ARHGAP26: variants seen among roughly 807,000 people sequenced by gnomAD.
ARHGAP26 encodes rho GTPase-activating protein 26.
In ARHGAP26, 38 loss-of-function variants were observed where a neutral mutation model predicts 104.8. The observed-to-expected ratio is 0.36, with a 90% confidence interval of 0.28 to 0.48. The LOEUF (loss-of-function observed/expected upper bound fraction) is 0.48, where lower values mean the gene tolerates loss of function less well. Ranked by LOEUF, ARHGAP26 falls within the 20% of genes least tolerant of loss-of-function variation. The pLI is 0.99. For missense variants in ARHGAP26, 704 were observed against 947.9 expected, an observed-to-expected ratio of 0.74 and a Z score of 3.38; for synonymous variants, 341 against 340.0, an observed-to-expected ratio of 1.00 and a Z score of -0.03.
intron 17 of ARHGAP26, among the ~76,000 whole-genome samples, chr5:143,116,001 C>T (rs895166057): frequency 6.5e-5 from 9 of 137,462 alleles, no homozygotes; most frequent in Admixed American, 3.3e-4. Flanking sequence ...AAAATAGAAT[C>T]GACAGGATAA....
At chr5:142,934,528 T>C (rs757561612) in intron 11 of ARHGAP26, among the ~76,000 whole-genome samples, 18 of 152,222 alleles carry the variant, frequency 1.2e-4, no homozygotes, top group Non-Finnish European at 2.2e-4. Context: ...TGAAAGCCTC[T>C]AGGGGACATT....
In ARHGAP26 at chr5:143,223,459, T is replaced by C. The variant is rs114695984; in HGVS notation, c.*1013T>C. 1,090 of 231,542 alleles carry C rather than the reference T, an allele frequency of 4.7e-3. 13 individuals are homozygous for C. Among genetic ancestry groups the C allele is most frequent in the African/African-American group, 0.023 (1,023 of 45,342 alleles). The allele number at this position is 231,542 out of a possible 1,614,324, so 14.3% of individuals were successfully genotyped here. On this transcript the variant is annotated 3_prime_UTR_variant, in exon 23 of 23. Transcript: ENST00000645722. ...TGTTCCTCCATGCAACTGATGTTTG[T>C]TTTTTAAAGGGTAAGATGCTGCCTC...
chr5:142,913,807 C>T (rs1318389562), intron 10 of ARHGAP26, among the ~76,000 whole-genome samples: 1 of 152,156 alleles, frequency 6.6e-6, no homozygotes, highest in Non-Finnish European at 1.5e-5. Flanking sequence ...CCAAACCACT[C>T]GTGAAATCAC....
chr5:142,820,458 C>CAAACA (rs1561897866), intron 1 of ARHGAP26, among the ~76,000 whole-genome samples: 1 of 151,552 alleles, frequency 6.6e-6, no homozygotes, highest in Admixed American at 6.6e-5. Flanking sequence ...AAAAAACAAA[C>CAAACA]AAAAAAAACC....
At chr5:142,784,923 A>ATTTTTT (rs35315311) in intron 1 of ARHGAP26, among the ~76,000 whole-genome samples, 1 of 118,126 alleles carries the variant, frequency 8.5e-6, no homozygotes, top group African/African-American at 3.6e-5. Flanking sequence ...CTTCCTTAGG[A>ATTTTTT]TTTTTTTTTT....
At chr5:142,790,248 A>T (rs1022866973) in intron 1 of ARHGAP26, among the ~76,000 whole-genome samples, 6 of 152,338 alleles carry the variant, frequency 3.9e-5, no homozygotes, top group African/African-American at 1.2e-4. Context: ...TAGATTATGT[A>T]GTCCGAGAAC....
intron 17 of ARHGAP26, among the ~76,000 whole-genome samples, chr5:143,090,493 T>C (rs1157521727): frequency 6.6e-6 from 1 of 152,178 alleles, no homozygotes; most frequent in Non-Finnish European, 1.5e-5. Flanking sequence ...ATTGTTCCCT[T>C]GTGAGAAGTT....
In ARHGAP26 at chr5:143,220,294, G is replaced by A. The variant is rs984214419; in HGVS notation, c.2192-2064G>A. ...ATTTTTCCTGAAGCTTAGGTGGGTG[G>A]TAAGGGCCATCTGGTTTTACTAGGT... On this transcript the variant is annotated intron_variant, in intron 22 of 22. Transcript: ENST00000645722. 2.0e-5 allele frequency among the ~76,000 whole-genome samples: 3 copies of A among 152,182 alleles called. No homozygotes were observed. In the East Asian group the frequency reaches 5.8e-4, roughly 29 times the overall value.
At chr5:143,071,563 C>G (rs1788252426) in intron 17 of ARHGAP26, among the ~76,000 whole-genome samples, 1 of 152,164 alleles carries the variant, frequency 6.6e-6, no homozygotes, top group South Asian at 2.1e-4. Context: ...GGACATTTTT[C>G]TGGGAAAAGA....
chr5:143,160,486 T>C (rs1801094545), intron 20 of ARHGAP26, among the ~76,000 whole-genome samples: 1 of 148,696 alleles, frequency 6.7e-6, no homozygotes, highest in Non-Finnish European at 1.5e-5. Context: ...TTTTTTTTTC[T>C]TTCTTTTTTT....
Position 142,894,084 on chromosome 5 carries a change from T to C in ARHGAP26, c.487-154T>C, listed in dbSNP as rs13189151. Among the ~76,000 whole-genome samples, 3 of 152,230 alleles carry C rather than the reference T, an allele frequency of 2.0e-5. 1 individual carries two copies. Among genetic ancestry groups the C allele is most frequent in the Admixed American group, 2.0e-4 (3 of 15,288 alleles). Reference sequence around the variant, plus strand: ...GATGTTTCAGTATATTTTTGCATAGTGAAATAGTTACTATAGTTATTCTTC... The same window carrying C: ...GATGTTTCAGTATATTTTTGCATAGCGAAATAGTTACTATAGTTATTCTTC... On this transcript the variant is annotated intron_variant, in intron 5 of 22. Transcript: ENST00000645722.
chr5:143,113,554 C>G (rs1222596674), intron 17 of ARHGAP26, among the ~76,000 whole-genome samples: 2 of 152,162 alleles, frequency 1.3e-5, no homozygotes, highest in Non-Finnish European at 2.9e-5. Context: ...AGGGCTCACT[C>G]TTTCATTATT....
chr5:143,150,893 T>C (rs1799766582), intron 20 of ARHGAP26, among the ~76,000 whole-genome samples: 1 of 152,180 alleles, frequency 6.6e-6, no homozygotes, highest in Non-Finnish European at 1.5e-5. Flanking sequence ...ACGTTAAAAG[T>C]ATAATCTGTG....
chr5:142,817,577 TTTCA>T (rs1765382847), intron 1 of ARHGAP26, among the ~76,000 whole-genome samples: 1 of 152,116 alleles, frequency 6.6e-6, no homozygotes, highest in Non-Finnish European at 1.5e-5. Flanking sequence ...CGGGCCTCGA[TTTCA>T]GCCTGCCATC....
chr5:143,165,919 A>C (rs1801873160), intron 20 of ARHGAP26: 1 of 656,602 alleles, frequency 1.5e-6, no homozygotes. Context: ...GGTTGTTAGG[A>C]TGAAATGAAA....
intron 1 of ARHGAP26, among the ~76,000 whole-genome samples, chr5:142,833,369 C>T (rs1372024263): frequency 6.6e-6 from 1 of 151,806 alleles, no homozygotes; most frequent in Non-Finnish European, 1.5e-5. Context: ...CCCTTTTATT[C>T]CTTTTTTAAA....
intron 1 of ARHGAP26, among the ~76,000 whole-genome samples, chr5:142,800,563 A>G (rs952421821): frequency 6.6e-6 from 1 of 151,842 alleles, no homozygotes; most frequent in Non-Finnish European, 1.5e-5. Flanking sequence ...GGGTTTCACC[A>G]TGTTGGTCAG....
At position 142,856,914 on chromosome 5, in the gene ARHGAP26, T is replaced by C. The variant is rs58704906; in HGVS notation, c.155-16486T>C. Among the ~76,000 whole-genome samples the C allele has an allele frequency of 5.0e-3, 766 of 152,328 alleles. 13 individuals carry two copies. The East Asian group carries it at 0.061, about 12-fold the overall frequency. ...CAACTGTACCATGAACTGGGTGGCA[T>C]AAAACAACAGAAATGTGTTTTCTCA... is the stretch of plus-strand genomic sequence containing the variant. On this transcript the variant is annotated intron_variant, in intron 1 of 22. Coordinates refer to ENST00000645722, the MANE Select transcript of ARHGAP26 (RefSeq NM_001135608.3).
At chr5:142,844,274 C>G (rs1414694876) in intron 1 of ARHGAP26, among the ~76,000 whole-genome samples, 1 of 152,068 alleles carries the variant, frequency 6.6e-6, no homozygotes, top group East Asian at 2.0e-4. Context: ...TGGTCTCAAA[C>G]TCCTGACCTC....
Sources: gnomAD v4.1 joint callset for allele counts (sites outside exome capture counted in the v4.1 genomes callset) on GRCh38, gnomAD v4.1.1 for gene constraint, MANE v1.5 for transcripts, NCBI Gene and HGNC (gene_info 2026-07-23, HGNC 2026-07-21) for gene names.